Variants in ARHGAP28 observed in about 807,000 individuals in gnomAD.
The protein encoded by ARHGAP28 is Rho GTPase activating protein 28.
In ARHGAP28, 56 loss-of-function variants were observed where a neutral mutation model predicts 90.7. That is an observed-to-expected ratio of 0.62 (90% confidence interval 0.50 to 0.77). ARHGAP28 has a LOEUF of 0.77. Ranked by LOEUF, ARHGAP28 falls within the 30% of genes least tolerant of loss-of-function variation. ARHGAP28 has a pLI of 0.00. For missense variants in ARHGAP28, 869 were observed against 900.9 expected (o/e 0.96, Z 0.45); for synonymous variants, 308 against 323.3 (o/e 0.95, Z 0.51).
At chr18:6,896,213 A>T (rs1003503857) in intron 15 of ARHGAP28, among the ~76,000 whole-genome samples, 2 of 152,248 alleles carry the variant, frequency 1.3e-5, no homozygotes, top group Non-Finnish European at 2.9e-5. Context: ...AGAAATGCAT[A>T]AATAGAAACA....
chr18:6,741,258 G>T (rs1600142841), intron 1 of ARHGAP28, among the ~76,000 whole-genome samples: 1 of 152,186 alleles, frequency 6.6e-6, no homozygotes, highest in East Asian at 1.9e-4. Flanking sequence ...AACAGAGGAT[G>T]CCTGGCCCTG....
rs199664777 is a variant in ARHGAP28, at chr18:6,905,639, A to G, written c.2031-3321A>G. Among the ~76,000 whole-genome samples, 17 of 152,310 alleles carry G rather than the reference A, an allele frequency of 1.1e-4. No individual in the cohort carries two copies. In the East Asian group the frequency reaches 1.5e-3, roughly 14 times the overall value. On this transcript the variant is annotated intron_variant, in intron 16 of 17. Transcript: ENST00000383472. Reference sequence around the variant, plus strand: ...TTGCAGATGACCTAATTATCTACATATAAAATTTCACAAAATAAAAATTTA... The same window carrying G: ...TTGCAGATGACCTAATTATCTACATGTAAAATTTCACAAAATAAAAATTTA...
At chr18:6,910,598 A>T (rs576278520) in intron 17 of ARHGAP28, among the ~76,000 whole-genome samples, 2 of 151,820 alleles carry the variant, frequency 1.3e-5, no homozygotes, top group Non-Finnish European at 2.9e-5. Context: ...TCTCAGCGAG[A>T]CCCTCCTTCC....
At chr18:6,759,101 T>G (rs564850037) in intron 1 of ARHGAP28, among the ~76,000 whole-genome samples, 27 of 152,216 alleles carry the variant, frequency 1.8e-4, no homozygotes, top group African/African-American at 6.5e-4. Flanking sequence ...TGTTTTCTTA[T>G]AGGCATTATT....
chr18:6,807,980 A>T (rs978366421), intron 1 of ARHGAP28, among the ~76,000 whole-genome samples: 2 of 152,302 alleles, frequency 1.3e-5, no homozygotes, highest in Middle Eastern at 3.4e-3. Flanking sequence ...CTCCAGGATC[A>T]CTGTTTTCAG....
intron 3 of ARHGAP28, 52 bp from the exon 4 acceptor site, chr18:6,850,982 C>G: frequency 1.2e-6 from 2 of 1,603,996 alleles, no homozygotes; most frequent in Non-Finnish European, 1.7e-6. Context: ...AATACGCAGT[C>G]ATATTTGGAA....
At chr18:6,773,908 T>C (rs1329974634) in intron 1 of ARHGAP28, 1 of 152,154 alleles carries the variant, frequency 6.6e-6, no homozygotes, top group Non-Finnish European at 1.5e-5. Flanking sequence ...CCTTAGGAAA[T>C]GGATGGAAGT....
intron 5 of ARHGAP28, 30 bp downstream of exon 5, chr18:6,859,927 G>A: frequency 6.3e-7 from 1 of 1,593,520 alleles, no homozygotes; most frequent in Non-Finnish European, 8.6e-7. Flanking sequence ...ACAGTTACAT[G>A]TCAAGGTACA....
At chr18:6,876,104 T>C (rs1213381989) in intron 9 of ARHGAP28, 27 bp from the exon 10 acceptor site, 3 of 1,553,290 alleles carry the variant, frequency 1.9e-6, no homozygotes, top group East Asian at 2.2e-5. Flanking sequence ...GAGGTACTTA[T>C]TCTGGTAATA....
Position 6,824,785 on chromosome 18 carries a change from G to T in ARHGAP28, c.146G>T (p.Arg49Ile). 6.5e-7 allele frequency: 1 copy of T among 1,535,920 alleles called. No individual in the cohort carries two copies. The highest frequency in any genetic ancestry group is 8.7e-7 in the Non-Finnish European group (1 of 1,146,820). The stretch of plus-strand genomic sequence containing the variant: ...AGAAAATCCATTCCTCGCTGCCGAA[G>T]AATTAACAGGATGCTCTCCAATGAA... ...LSRKSIPRCR[R>I]INRMLSNESL... is the part of the protein sequence containing the mutation. Residue 49 changes from arginine (R) to isoleucine (I), a missense_variant, in exon 2 of 18, where the codon AGA (arginine) becomes ATA (isoleucine). Arg to Ile is a moderately conservative substitution (Grantham distance 97, BLOSUM62 -3). Coordinates refer to ENST00000383472, the MANE Select transcript of ARHGAP28 (RefSeq NM_001366230.1).
rs976847208 is a variant in ARHGAP28 at position 6,810,996 on chromosome 18, G to C, written c.123-13766G>C. On this transcript the variant is annotated intron_variant, in intron 1 of 17. Transcript: ENST00000383472. ...CCAAATCTTCTGAATTGAAATTTCT[G>C]TGTGATTAGGGCCCAAACATCTGTG... 9.2e-5 allele frequency among the ~76,000 whole-genome samples: 14 copies of C among 152,200 alleles called. 1 individual carries two copies. The highest frequency in any genetic ancestry group is 6.6e-4 in the Admixed American group (10 of 15,266).
At chr18:6,839,521 T>C (rs1481352964) in intron 3 of ARHGAP28, among the ~76,000 whole-genome samples, 1 of 152,104 alleles carries the variant, frequency 6.6e-6, no homozygotes. Flanking sequence ...ATGGTCTCGA[T>C]TTCCTGACCT....
intron 5 of ARHGAP28, among the ~76,000 whole-genome samples, chr18:6,864,710 A>G (rs1881572801): frequency 6.6e-6 from 1 of 152,024 alleles, no homozygotes; most frequent in Non-Finnish European, 1.5e-5. Context: ...TTTGAGAGAA[A>G]GTCTTGCTTT....
At chr18:6,751,733 TC>T (rs1199455921) in intron 1 of ARHGAP28, among the ~76,000 whole-genome samples, 1 of 152,222 alleles carries the variant, frequency 6.6e-6, no homozygotes, top group Admixed American at 6.5e-5. Flanking sequence ...CAGCAGTTGC[TC>T]CCTGCTAGCA....
At chr18:6,890,818 C>T (rs903430876) in intron 14 of ARHGAP28, among the ~76,000 whole-genome samples, 4 of 152,162 alleles carry the variant, frequency 2.6e-5, no homozygotes, top group East Asian at 1.9e-4. Context: ...AAATGGTTCT[C>T]GCAAAAGCTG....
chr18:6,866,425 G>T (rs541485219), intron 5 of ARHGAP28, among the ~76,000 whole-genome samples: 153 of 152,046 alleles, frequency 1.0e-3, no homozygotes, highest in African/African-American at 3.5e-3. Context: ...TCTCCATCTG[G>T]CCTGAATGCT....
At chr18:6,736,064 CTG>C (rs926950015) in intron 1 of ARHGAP28, among the ~76,000 whole-genome samples, 1 of 152,172 alleles carries the variant, frequency 6.6e-6, no homozygotes, top group Non-Finnish European at 1.5e-5. Context: ...TACTTTGAGA[CTG>C]TGGAAATATC....
intron 5 of ARHGAP28, among the ~76,000 whole-genome samples, chr18:6,863,786 ATTTTT>A (rs397962617): frequency 9.0e-5 from 13 of 143,728 alleles, no homozygotes; most frequent in African/African-American, 3.4e-4. Flanking sequence ...GCTTTGTTTA[ATTTTT>A]TTTTTTTTTT....
At chr18:6,903,570 T>C (rs1370404132) in intron 16 of ARHGAP28, among the ~76,000 whole-genome samples, 2 of 151,992 alleles carry the variant, frequency 1.3e-5, no homozygotes. Flanking sequence ...CGATGACTCA[T>C]GCCTGTAATT....
Sources: gnomAD v4.1 joint callset for allele counts (sites outside exome capture counted in the v4.1 genomes callset) on GRCh38, gnomAD v4.1.1 for gene constraint, MANE v1.5 for transcripts, NCBI Gene and HGNC (gene_info 2026-07-23, HGNC 2026-07-21) for gene names.